LIN7A: variants seen among roughly 807,000 people sequenced by gnomAD.
The protein encoded by LIN7A is protein lin-7 homolog A.
A neutral mutation model predicts 29.8 loss-of-function variants in LIN7A; 25 were observed. That is an observed-to-expected ratio of 0.84 (90% CI 0.61 to 1.17). LIN7A has a LOEUF of 1.17. Ranked by LOEUF, LIN7A falls within the 50% of genes most tolerant of loss-of-function variation. The pLI is 0.00. For synonymous variants in LIN7A, 118 were observed against 107.5 expected, an observed-to-expected ratio of 1.10 and a Z score of -0.60; for missense variants, 239 against 287.0, an observed-to-expected ratio of 0.83 and a Z score of 1.21.
intron 4 of LIN7A, among the ~76,000 whole-genome samples, chr12:80,822,964 T>C (rs1592863738): frequency 6.6e-6 from 1 of 152,142 alleles, no homozygotes; most frequent in Non-Finnish European, 1.5e-5. Flanking sequence ...GGTCTGCCTA[T>C]GGACCAATCA....
chr12:80,845,423 A>G (rs1292660670), intron 4 of LIN7A: 2 of 252,204 alleles, frequency 7.9e-6, no homozygotes, highest in African/African-American at 2.2e-5. Context: ...GATAAAAAGT[A>G]TCTTGAAATT....
At chr12:80,824,978 AC>A (rs1871990314) in intron 4 of LIN7A, among the ~76,000 whole-genome samples, 1 of 152,240 alleles carries the variant, frequency 6.6e-6, no homozygotes, top group Non-Finnish European at 1.5e-5. Context: ...CACTTTCAGC[AC>A]TTCTATTCAA....
chr12:80,842,750 A>G (rs954549496), intron 4 of LIN7A, among the ~76,000 whole-genome samples: 1 of 152,136 alleles, frequency 6.6e-6, no homozygotes, highest in South Asian at 2.1e-4. Flanking sequence ...TTGTGTGACT[A>G]TGAACAAGTC....
rs1164902626 is a variant in LIN7A, at chr12:80,811,500, G to A, written c.667C>T (p.Gln223Ter). The A allele has an allele frequency of 6.3e-7, 1 of 1,581,140 alleles. No homozygotes were observed. The highest frequency in any genetic ancestry group is 1.8e-5 in the Admixed American group (1 of 56,814). Residue 223 changes from glutamine (Q) to a stop codon, truncating the protein, a stop_gained, in exon 5 of 6, where the codon CAG (glutamine) becomes TAG (stop). Transcript: ENST00000552864. LOFTEE classifies it high-confidence loss of function. Reference protein sequence around the residue: ...QLLIQQQQQQQQQQTQQNHMS With the variant: ...QLLIQQQQQQ ...TGGTTTTGTTGTGTTTGTTGCTGCT[G>A]CTGCTGTTGCTGCTGCTGAATTAGC...
At chr12:80,833,328 A>C (rs894962884) in intron 4 of LIN7A, among the ~76,000 whole-genome samples, 2 of 152,178 alleles carry the variant, frequency 1.3e-5, no homozygotes, top group Non-Finnish European at 2.9e-5. Flanking sequence ...TTCACCTTGC[A>C]TATCCAGTCA....
chr12:80,914,814 G>C (rs1376607056), intron 1 of LIN7A, among the ~76,000 whole-genome samples: 1 of 152,148 alleles, frequency 6.6e-6, no homozygotes, highest in East Asian at 1.9e-4. Context: ...GCTGAGGTAA[G>C]AGGATCTCTT....
chr12:80,813,254 G>A (rs1300897527), intron 4 of LIN7A, among the ~76,000 whole-genome samples: 12 of 152,192 alleles, frequency 7.9e-5, no homozygotes, highest in East Asian at 7.7e-4. Context: ...CTTGTGATCC[G>A]CCCACCTCGG....
chr12:80,842,017 T>C, intron 4 of LIN7A: 1 of 1,280,406 alleles, frequency 7.8e-7, no homozygotes, highest in Non-Finnish European at 1.0e-6. Flanking sequence ...AATGTCTCAT[T>C]TGTAACATTC....
At chr12:80,861,440 C>G (rs898356445) in intron 2 of LIN7A, 5 of 155,480 alleles carry the variant, frequency 3.2e-5, no homozygotes, top group African/African-American at 1.2e-4. Context: ...CGGGGTCACT[C>G]ATGTAATCCC....
At chr12:80,834,810 T>C (rs888669154) in intron 4 of LIN7A, among the ~76,000 whole-genome samples, 2 of 149,134 alleles carry the variant, frequency 1.3e-5, no homozygotes, top group African/African-American at 5.0e-5. Flanking sequence ...ATAAATCCAT[T>C]ATGGAAAATT....
intron 5 of LIN7A, among the ~76,000 whole-genome samples, chr12:80,807,066 T>TTTTTTTGTTTTTTTTG (rs1218785301): frequency 2.0e-5 from 1 of 50,152 alleles, no homozygotes; most frequent in African/African-American, 8.5e-5. Flanking sequence ...AGATGGAGTT[T>TTTTTTTGTTTTTTTTG]TTTTTTTTTT....
intron 4 of LIN7A, among the ~76,000 whole-genome samples, chr12:80,818,474 A>G (rs1297138587): frequency 6.6e-6 from 1 of 152,220 alleles, no homozygotes; most frequent in African/African-American, 2.4e-5. Context: ...TAGTAAGTCG[A>G]ACAGATCAAC....
chr12:80,800,210 C>T (rs1369532812), intron 5 of LIN7A, among the ~76,000 whole-genome samples: 8 of 152,056 alleles, frequency 5.3e-5, no homozygotes, highest in African/African-American at 1.7e-4. Context: ...ACAGTCTGGG[C>T]CGGGTACGGT....
intron 1 of LIN7A, among the ~76,000 whole-genome samples, chr12:80,895,717 C>T (rs1875852828): frequency 6.6e-6 from 1 of 152,176 alleles, no homozygotes; most frequent in South Asian, 2.1e-4. Flanking sequence ...TGGCATAAGC[C>T]TTCAACATTT....
At chr12:80,823,407 A>G (rs12320818) in intron 4 of LIN7A, among the ~76,000 whole-genome samples, 2,686 of 152,272 alleles carry the variant, frequency 0.018, 65 homozygotes, top group African/African-American at 0.061. Flanking sequence ...GGTGCCAGGC[A>G]TGGAAGCTGT....
chr12:80,849,291 C>T (rs544060990), intron 2 of LIN7A, among the ~76,000 whole-genome samples: 26 of 152,138 alleles, frequency 1.7e-4, no homozygotes, highest in African/African-American at 5.1e-4. Flanking sequence ...AGCTGCTAAA[C>T]GTACTTCCAG....
intron 1 of LIN7A, among the ~76,000 whole-genome samples, chr12:80,905,218 G>T (rs190828412): frequency 4.0e-5 from 6 of 150,924 alleles, no homozygotes; most frequent in Non-Finnish European, 7.4e-5. Context: ...GAGGCAGAGT[G>T]TGGCTCTGTC....
intron 4 of LIN7A, among the ~76,000 whole-genome samples, chr12:80,812,304 C>A (rs78003392): frequency 0.1 from 15,129 of 151,812 alleles, 818 homozygotes; most frequent in East Asian, 0.18. Context: ...TTAAATGTAA[C>A]ATAAAAACAT....
At chr12:80,837,947 G>C (rs1156763799) in intron 4 of LIN7A, among the ~76,000 whole-genome samples, 6 of 151,716 alleles carry the variant, frequency 4.0e-5, no homozygotes, top group African/African-American at 1.5e-4. Flanking sequence ...TCAGTAGCTG[G>C]CACATAATAA....
Sources: allele counts gnomAD v4.1 joint callset (sites outside exome capture counted in the v4.1 genomes callset), GRCh38; gene constraint gnomAD v4.1.1; transcripts MANE v1.5; gene names NCBI Gene and HGNC (gene_info 2026-07-23, HGNC 2026-07-21).